Variants in NCKAP5 observed in about 807,000 individuals in gnomAD.
The protein encoded by NCKAP5 is nck-associated protein 5.
Under a neutral mutation model 167.0 loss-of-function variants are expected in NCKAP5, and 92 were observed. That is an observed-to-expected ratio of 0.55 (90% CI 0.47 to 0.66). The LOEUF (loss-of-function observed/expected upper bound fraction) is 0.66. Ranked by LOEUF, NCKAP5 falls within the 30% of genes least tolerant of loss-of-function variation. The pLI, the probability that NCKAP5 is intolerant of heterozygous loss-of-function variation, is 0.00. For synonymous variants in NCKAP5, 891 were observed against 877.4 expected (o/e 1.02, Z -0.27); for missense variants, 2,378 against 2,315.0 (o/e 1.03, Z -0.56).
chr2:133,504,948 G>A (rs1682870384), intron 3 of NCKAP5, among the ~76,000 whole-genome samples: 1 of 152,168 alleles, frequency 6.6e-6, no homozygotes, highest in Admixed American at 6.5e-5. Context: ...TAAGCTGGCA[G>A]AGCTTAAAGC....
At chr2:132,875,349 C>T (rs900705386) in intron 9 of NCKAP5, among the ~76,000 whole-genome samples, 3 of 152,168 alleles carry the variant, frequency 2.0e-5, no homozygotes, top group African/African-American at 4.8e-5. Context: ...AATTCTGCCC[C>T]CTCCTCTGCT....
intron 5 of NCKAP5, among the ~76,000 whole-genome samples, chr2:133,181,773 G>T (rs1157518536): frequency 1.3e-5 from 2 of 152,002 alleles, no homozygotes; most frequent in Non-Finnish European, 2.9e-5. Context: ...GTGAGACTCT[G>T]TCTCAAAATA....
At chr2:132,839,863 T>C (rs1688173913) in intron 11 of NCKAP5, among the ~76,000 whole-genome samples, 1 of 151,396 alleles carries the variant, frequency 6.6e-6, no homozygotes. Context: ...TTGTATATTA[T>C]ACATTTTCTA....
At chr2:133,126,096 T>C (rs1379962737) in intron 6 of NCKAP5, among the ~76,000 whole-genome samples, 1 of 152,196 alleles carries the variant, frequency 6.6e-6, no homozygotes, top group African/African-American at 2.4e-5. Flanking sequence ...TGAAACTGCA[T>C]AAAATTAAGC....
intron 17 of NCKAP5, among the ~76,000 whole-genome samples, chr2:132,729,897 A>T (rs1264803355): frequency 6.6e-6 from 1 of 152,130 alleles, no homozygotes; most frequent in Non-Finnish European, 1.5e-5. Flanking sequence ...TCCATTTTTC[A>T]TATGGGGATA....
At chr2:132,912,661 C>G (rs1434446118) in intron 8 of NCKAP5, among the ~76,000 whole-genome samples, 1 of 152,180 alleles carries the variant, frequency 6.6e-6, no homozygotes, top group East Asian at 1.9e-4. Context: ...TAAGGCGACT[C>G]CCTCACTGTT....
At chr2:133,590,531 A>C in the NCKAP5 span, among the ~76,000 whole-genome samples, 1 of 151,104 alleles carries the variant, frequency 6.6e-6, no homozygotes, top group East Asian at 1.9e-4. Flanking sequence ...CTCAAAAAAA[A>C]AAAAAAAAAA....
At chr2:133,031,593 C>G (rs765734721) in intron 6 of NCKAP5, among the ~76,000 whole-genome samples, 1 of 151,810 alleles carries the variant, frequency 6.6e-6, no homozygotes, top group Non-Finnish European at 1.5e-5. Flanking sequence ...GGTCTGCTGG[C>G]GGGTGGGTGG....
At chr2:133,560,826 G>A (rs1459457233) in intron 1 of NCKAP5, among the ~76,000 whole-genome samples, 1 of 152,188 alleles carries the variant, frequency 6.6e-6, no homozygotes, top group African/African-American at 2.4e-5. Flanking sequence ...TTGAGAGTAA[G>A]GCTCACTGAA....
chr2:133,008,464 T>C (rs1298674177), intron 6 of NCKAP5, among the ~76,000 whole-genome samples: 1 of 152,190 alleles, frequency 6.6e-6, no homozygotes, highest in Non-Finnish European at 1.5e-5. Context: ...GGCTATTTTA[T>C]AGCAAATATC....
chr2:133,612,591 T>C, the NCKAP5 span, among the ~76,000 whole-genome samples: 36,010 of 152,152 alleles, frequency 0.24, 4,503 homozygotes, highest in East Asian at 0.32. Context: ...TTTTAGATTT[T>C]ATGGTGTTAA....
In NCKAP5 at chr2:132,787,367, G is replaced by A. The variant is rs573527254; in HGVS notation, c.1093-1649C>T. On this transcript the variant is annotated intron_variant, in intron 13 of 19. Transcript: ENST00000409261. ...CGTTTCAAAAAAAAAAAAAAAAAAG[G>A]GCTATATGATTAATGGTAAAGAGCT... Among the ~76,000 whole-genome samples, 4 of 150,506 alleles carry A rather than the reference G, an allele frequency of 2.7e-5. No individual in the cohort carries two copies. In the East Asian group the frequency reaches 5.9e-4, roughly 22 times the overall value.
At chr2:132,874,121 T>C (rs1691064190) in intron 9 of NCKAP5, among the ~76,000 whole-genome samples, 1 of 148,280 alleles carries the variant, frequency 6.7e-6, no homozygotes, top group African/African-American at 2.5e-5. Flanking sequence ...TTTTTTTTTT[T>C]TTTTTGAGAT....
At chr2:133,063,672 A>C (rs972402897) in intron 6 of NCKAP5, among the ~76,000 whole-genome samples, 1 of 152,082 alleles carries the variant, frequency 6.6e-6, no homozygotes, top group African/African-American at 2.4e-5. Flanking sequence ...ATTTTAACTC[A>C]CATTTGCCCT....
At chr2:133,567,688 T>TGC (rs940886795) in intron 1 of NCKAP5, among the ~76,000 whole-genome samples, 11 of 151,708 alleles carry the variant, frequency 7.3e-5, no homozygotes, top group African/African-American at 2.7e-4. Flanking sequence ...TGTGTGTGTG[T>TGC]GTGTGTGTGT....
the NCKAP5 span, among the ~76,000 whole-genome samples, chr2:133,654,795 C>T: frequency 6.6e-6 from 1 of 152,128 alleles, no homozygotes; most frequent in Non-Finnish European, 1.5e-5. Flanking sequence ...GTGAAGGAAC[C>T]ACCTGCCATA....
intron 6 of NCKAP5, among the ~76,000 whole-genome samples, chr2:133,078,364 T>C (rs7605755): frequency 0.043 from 6,602 of 152,240 alleles, 283 homozygotes; most frequent in African/African-American, 0.11. Flanking sequence ...ATCTGTAAAC[T>C]CACCTGCTGT....
At chr2:133,652,360 C>T in the NCKAP5 span, among the ~76,000 whole-genome samples, 1 of 152,204 alleles carries the variant, frequency 6.6e-6, no homozygotes, top group Non-Finnish European at 1.5e-5. Flanking sequence ...AGAAAGAACA[C>T]AGAGTTCTCA....
At chr2:132,890,842 G>C (rs1166335625) in intron 8 of NCKAP5, among the ~76,000 whole-genome samples, 1 of 152,186 alleles carries the variant, frequency 6.6e-6, no homozygotes, top group Non-Finnish European at 1.5e-5. Context: ...GGGCTGCTGG[G>C]CATCTTGGAG....
Sources: allele counts gnomAD v4.1 joint callset (sites outside exome capture counted in the v4.1 genomes callset), GRCh38; gene constraint gnomAD v4.1.1; transcripts MANE v1.5; gene names NCBI Gene and HGNC (gene_info 2026-07-23, HGNC 2026-07-21).